PDE3A: variants seen among roughly 807,000 people sequenced by gnomAD.
The protein encoded by PDE3A is phosphodiesterase 3A, also known as cGMP-inhibited 3',5'-cyclic phosphodiesterase 3A.
Under a neutral mutation model 98.3 loss-of-function variants are expected in PDE3A, and 43 were observed. That is an observed-to-expected ratio of 0.44 (90% CI 0.34 to 0.56). PDE3A has a LOEUF of 0.56. Ranked by LOEUF, PDE3A falls within the 20% of genes least tolerant of loss-of-function variation. PDE3A has a pLI of 0.01. For synonymous variants in PDE3A, 663 were observed against 567.9 expected (o/e 1.17, Z -2.38); for missense variants, 1,427 against 1,440.7 (o/e 0.99, Z 0.15).
rs1446061105 is a variant in PDE3A, at chr12:20,677,399, T to C, written c.3185-2631T>C. On this transcript the variant is annotated intron_variant, in intron 15 of 15. Coordinates refer to ENST00000359062, the MANE Select transcript of PDE3A (RefSeq NM_000921.5). The stretch of plus-strand genomic sequence containing the variant: ...TCATATTTTCTTGCTTTTTCACATC[T>C]CTTGTGTCTTTGCAGTGGTATCTGT... Among the ~76,000 whole-genome samples the C allele has an allele frequency of 2.0e-5, 3 of 152,156 alleles. No homozygotes were observed. In the East Asian group the frequency reaches 5.8e-4, roughly 29 times the overall value.
chr12:20,675,122 A>C (rs570114462), intron 15 of PDE3A, among the ~76,000 whole-genome samples: 4 of 151,522 alleles, frequency 2.6e-5, no homozygotes, highest in African/African-American at 9.7e-5. Context: ...TTCCATTTTC[A>C]TTTGTTTCAA....
chr12:20,380,531 G>T (rs1943645488), intron 1 of PDE3A, among the ~76,000 whole-genome samples: 1 of 151,878 alleles, frequency 6.6e-6, no homozygotes, highest in African/African-American at 2.4e-5. Flanking sequence ...AATACTTAGA[G>T]AAGATACAGT....
intron 1 of PDE3A, among the ~76,000 whole-genome samples, chr12:20,427,881 C>A (rs932993046): frequency 5.9e-5 from 9 of 151,638 alleles, no homozygotes; most frequent in Non-Finnish European, 1.3e-4. Context: ...TAACTAAATC[C>A]TCTTTTTAAA....
intron 1 of PDE3A, among the ~76,000 whole-genome samples, chr12:20,462,024 G>C (rs1005276070): frequency 1.3e-5 from 2 of 152,164 alleles, no homozygotes; most frequent in African/African-American, 4.8e-5. Flanking sequence ...CACTTTGGGT[G>C]CTACTTAGAT....
rs574164496 is a variant in PDE3A, at chr12:20,418,901, A to G, written c.960+48657A>G. 6.6e-5 allele frequency among the ~76,000 whole-genome samples: 10 copies of G among 152,256 alleles called. No individual in the cohort carries two copies. The South Asian group carries it at 2.1e-3, about 32-fold the overall frequency. On this transcript the variant is annotated intron_variant, in intron 1 of 15. Transcript: ENST00000359062. ...TGTAGAAATTACTTCTATGCTTCTTAATATTCCGTATATGACTGTGTCATA... is the reference window on the plus strand; with the variant it reads ...TGTAGAAATTACTTCTATGCTTCTTGATATTCCGTATATGACTGTGTCATA...
chr12:20,419,355 C>T (rs528923871), intron 1 of PDE3A, among the ~76,000 whole-genome samples: 11 of 151,836 alleles, frequency 7.2e-5, no homozygotes, highest in African/African-American at 2.4e-4. Flanking sequence ...TGCAGTGGTA[C>T]GATCATAGCT....
At chr12:20,426,995 A>T (rs1944611274) in intron 1 of PDE3A, among the ~76,000 whole-genome samples, 1 of 152,218 alleles carries the variant, frequency 6.6e-6, no homozygotes, top group Non-Finnish European at 1.5e-5. Flanking sequence ...AGGAGCTAAA[A>T]GTCTATATAA....
chr12:20,478,710 T>C (rs1412723180), intron 1 of PDE3A, among the ~76,000 whole-genome samples: 1 of 152,212 alleles, frequency 6.6e-6, no homozygotes, highest in East Asian at 1.9e-4. Context: ...ATTTTCCTTT[T>C]CATAATCAGG....
intron 12 of PDE3A, 54 bp downstream of exon 12, chr12:20,647,004 T>C: frequency 8.0e-7 from 1 of 1,248,032 alleles, no homozygotes; most frequent in Non-Finnish European, 1.2e-6. Context: ...CTCAAGAAAG[T>C]GAAGTTCAGT....
At chr12:20,637,512 G>C (rs1454425571) in intron 9 of PDE3A, among the ~76,000 whole-genome samples, 1 of 152,052 alleles carries the variant, frequency 6.6e-6, no homozygotes, top group Non-Finnish European at 1.5e-5. Flanking sequence ...AAACGATCTA[G>C]AATTCATAGA....
At chr12:20,621,217 G>A in intron 4 of PDE3A, 79 bp from the exon 5 acceptor site, 2 of 778,358 alleles carry the variant, frequency 2.6e-6, no homozygotes, top group South Asian at 3.0e-5. Flanking sequence ...ATGATGGTTG[G>A]GTTCTGGCAA....
At chr12:20,609,554 C>T (rs879738427) in intron 2 of PDE3A, among the ~76,000 whole-genome samples, 8 of 151,880 alleles carry the variant, frequency 5.3e-5, no homozygotes, top group African/African-American at 9.7e-5. Context: ...AAATGCAATC[C>T]TAAAATTTGT....
intron 1 of PDE3A, among the ~76,000 whole-genome samples, chr12:20,418,463 G>T (rs1944458849): frequency 6.6e-6 from 1 of 152,150 alleles, no homozygotes; most frequent in Non-Finnish European, 1.5e-5. Flanking sequence ...CACCCCGGTT[G>T]CATCTTAGCT....
At chr12:20,482,839 A>C (rs186986369) in intron 1 of PDE3A, among the ~76,000 whole-genome samples, 105 of 152,348 alleles carry the variant, frequency 6.9e-4, no homozygotes, top group African/African-American at 2.3e-3. Flanking sequence ...TTTAATTTGC[A>C]ACAATTGCTT....
chr12:20,376,956 A>C (rs552029241), intron 1 of PDE3A, among the ~76,000 whole-genome samples: 16 of 152,012 alleles, frequency 1.1e-4, no homozygotes, highest in African/African-American at 3.6e-4. Context: ...AAAGCTTTCA[A>C]GTATAGCCAG....
At chr12:20,567,743 G>A (rs1041046531) in intron 2 of PDE3A, among the ~76,000 whole-genome samples, 1 of 151,736 alleles carries the variant, frequency 6.6e-6, no homozygotes, top group Non-Finnish European at 1.5e-5. Context: ...AGAAGCTTAT[G>A]ACACATGATA....
At chr12:20,378,789 T>C (rs1486175336) in intron 1 of PDE3A, among the ~76,000 whole-genome samples, 1 of 149,912 alleles carries the variant, frequency 6.7e-6, no homozygotes, top group Non-Finnish European at 1.5e-5. Flanking sequence ...TGAAGTTGAT[T>C]TAAATTAATA....
Position 20,535,633 on chromosome 12 carries a change from T to G in PDE3A, c.961-21027T>G, listed in dbSNP as rs948115437. ...AGGACTCAACCACTAATAAAAAAAA[T>G]GTTTTGTGTGCTTACATTTTGTTTT... is the stretch of plus-strand genomic sequence containing the variant. On this transcript the variant is annotated intron_variant, in intron 1 of 15. Transcript: ENST00000359062. Among the ~76,000 whole-genome samples the G allele has an allele frequency of 1.4e-4, 21 of 152,186 alleles. No individual in the cohort carries two copies. The East Asian group carries it at 4.1e-3, about 29-fold the overall frequency.
chr12:20,379,659 A>G (rs913141707), intron 1 of PDE3A, among the ~76,000 whole-genome samples: 5 of 151,784 alleles, frequency 3.3e-5, no homozygotes, highest in Non-Finnish European at 5.9e-5. Context: ...AACCTGAAAT[A>G]TTTATCTCCC....
Sources: gnomAD v4.1 joint callset for allele counts (sites outside exome capture counted in the v4.1 genomes callset) on GRCh38, gnomAD v4.1.1 for gene constraint, MANE v1.5 for transcripts, NCBI Gene and HGNC (gene_info 2026-07-23, HGNC 2026-07-21) for gene names.